Variants in KDM6B observed in about 807,000 individuals in gnomAD.
KDM6B encodes the protein lysine-specific demethylase 6B.
KDM6B carries 22 observed loss-of-function variants against 150.4 expected under a neutral mutation model. That is an observed-to-expected ratio of 0.15 (90% CI 0.10 to 0.21). The LOEUF (loss-of-function observed/expected upper bound fraction) is 0.21, where lower values mean the gene tolerates loss of function less well. KDM6B is among the 10% of genes least tolerant of loss of function. The pLI is 1.00. For missense variants in KDM6B, 1,984 were observed against 2,234.3 expected, an observed-to-expected ratio of 0.89 and a Z score of 2.26; for synonymous variants, 1,148 against 921.1, an observed-to-expected ratio of 1.25 and a Z score of -4.46.
intron 21 of KDM6B, 74 bp downstream of exon 21, chr17:7,852,710 C>T: frequency 6.9e-6 from 11 of 1,591,056 alleles, no homozygotes; most frequent in Non-Finnish European, 9.5e-6. Flanking sequence ...TCTGACTCCA[C>T]CCCATTTTTA....
rs779025145 is a variant in KDM6B at position 7,851,292 on chromosome 17, G to A, written c.3880-38G>A. The A allele has an allele frequency of 3.7e-6, 6 of 1,613,740 alleles. No homozygotes were observed. In the East Asian group the frequency reaches 1.1e-4, roughly 30 times the overall value. On this transcript the variant is annotated intron_variant, in intron 15 of 23. Coordinates refer to ENST00000448097, the MANE Select transcript of KDM6B (RefSeq NM_001348716.2). ...GCTGCGGTGGGAGGGCTCTCGAAAG[G>A]TCTCTGACCCAGGCCTGCCTACCCT...
chr17:7,850,605 CA>C (rs2078672603), intron 14 of KDM6B, among the ~76,000 whole-genome samples: 1 of 152,220 alleles, frequency 6.6e-6, no homozygotes, highest in Non-Finnish European at 1.5e-5. Flanking sequence ...AAGCACATTT[CA>C]GGCTTTCACT....
At chr17:7,835,564 G>A (rs919209446) in intron 1 of KDM6B, among the ~76,000 whole-genome samples, 12 of 152,102 alleles carry the variant, frequency 7.9e-5, no homozygotes, top group East Asian at 1.9e-4. Context: ...CTTGGGAGCC[G>A]GATTCCCGAA....
In KDM6B at chr17:7,846,979, G is replaced by T. The variant is rs2078560911; in HGVS notation, c.872G>T (p.Gly291Val). Residue 291 changes from glycine (G) to valine (V), a missense_variant, in exon 10 of 24, where the codon GGC becomes GTC. Transcript: ENST00000448097. Reference protein sequence around the residue: ...LWSTLHGDAWGPERKGSAPPE... With the variant: ...LWSTLHGDAWVPERKGSAPPE... ...AGTACCCTGCATGGAGATGCCTGGGGCCCAGAGCGCAAGGGTTCAGCACCC... is the reference window on the plus strand; with the variant it reads ...AGTACCCTGCATGGAGATGCCTGGGTCCCAGAGCGCAAGGGTTCAGCACCC... 1 of 1,612,888 alleles carries T rather than the reference G, an allele frequency of 6.2e-7. No individual in the cohort carries two copies. The highest frequency in any genetic ancestry group is 1.7e-5 in the Admixed American group (1 of 59,952).
rs987662315 is a variant in KDM6B at position 7,847,367 on chromosome 17, C to G, written c.1172C>G (p.Pro391Arg). 7 of 1,612,848 alleles carry G rather than the reference C, an allele frequency of 4.3e-6. No homozygotes were observed. The highest frequency in any genetic ancestry group is 1.3e-5 in the African/African-American group (1 of 74,928). ...ACVPYAPSRP[P>R]GLPGTTTSSS... ...GTGCCTTACGCCCCTTCCCGGCCCC[C>G]TGGCCTCCCCGGCACCACCACCAGC... Residue 391 changes from proline (P) to arginine (R), a missense_variant, in exon 11 of 24, where the codon CCT (proline) becomes CGT (arginine). Transcript: ENST00000448097.
rs763319089 is a variant in KDM6B at position 7,848,744 on chromosome 17, G to A, written c.2456G>A (p.Arg819Gln). The A allele has an allele frequency of 1.8e-5, 29 of 1,612,646 alleles. No homozygotes were observed. Among genetic ancestry groups the A allele is most frequent in the Non-Finnish European group, 2.3e-5 (27 of 1,179,990 alleles). The change falls in exon 12 of 24, where the codon CGG (arginine) becomes CAG (glutamine). Residue 819 changes from arginine (R) to glutamine (Q), a missense_variant. Arg to Gln is a conservative substitution (Grantham distance 43). Transcript: ENST00000448097. ...SVLEGQKYCY[R>Q]GTGAAVSTRP... is the part of the protein sequence containing the mutation. ...CTGGAGGGACAAAAGTACTGTTATC[G>A]GGGGACTGGAGCAGCTGTTTCCACC...
chr17:7,850,969 G>A (rs1216586893), intron 14 of KDM6B, 52 bp from the exon 15 acceptor site: 14 of 1,493,306 alleles, frequency 9.4e-6, no homozygotes, highest in Admixed American at 7.8e-5. Context: ...TTGGGTCCTC[G>A]GTCCCTATCC....
In KDM6B at chr17:7,847,878, C is replaced by T; in HGVS notation, c.1590C>T (p.Ala530=). The T allele has an allele frequency of 6.2e-7, 1 of 1,607,552 alleles. No homozygotes were observed. The highest frequency in any genetic ancestry group is 1.4e-5 in the African/African-American group (1 of 73,960). Residue 530 remains alanine, a synonymous_variant, in exon 12 of 24, where the codon GCC becomes GCT. Coordinates refer to ENST00000448097, the MANE Select transcript of KDM6B (RefSeq NM_001348716.2). ...PHREGFLGPP[A]SRFSVGTQDS... ...GCGAGGGCTTCTTGGGGCCTCCGGC[C>T]TCCCGCTTTTCTGTGGGCACTCAGG... is the stretch of plus-strand genomic sequence containing the variant.
chr17:7,851,820 T>C lies in KDM6B; in HGVS notation c.4165+24T>C, dbSNP rs374255317. 897 of 1,557,824 alleles carry C rather than the reference T, an allele frequency of 5.8e-4. 6 individuals carry two copies. The African/African-American group carries it at 0.011, about 19-fold the overall frequency. On this transcript the variant is annotated intron_variant, in intron 18 of 23. Coordinates refer to ENST00000448097, the MANE Select transcript of KDM6B (RefSeq NM_001348716.2). ...AGGTGCGCTCCACGCCTGTGCGCGC[T>C]GATGCTGGAAGCGCGAGAGGAGGGG...
chr17:7,840,056 A>G (rs1437665992), intron 2 of KDM6B, 32 bp downstream of exon 2: 1 of 152,612 alleles, frequency 6.6e-6, no homozygotes, highest in South Asian at 2.1e-4. Context: ...CTCTCTCCTC[A>G]GCAGTCTAAC....
rs1234489639 is a variant in KDM6B, at chr17:7,844,154, G to A, written c.-268-747G>A. ...AAATCCCCCCTCCCTTGGGGGGCGG[G>A]GGCCACGTGGGCCGTGGGGAACCGC... On this transcript the variant is annotated intron_variant, in intron 2 of 23. Coordinates refer to ENST00000448097, the MANE Select transcript of KDM6B (RefSeq NM_001348716.2). This position sits in a 1 kb window ranked among gnomAD's most constrained non-coding sequence, Gnocchi z 5.9. 1 of 152,058 alleles carries A rather than the reference G, an allele frequency of 6.6e-6. No individual in the cohort carries two copies. Among genetic ancestry groups the A allele is most frequent in the East Asian group, 1.9e-4 (1 of 5,142 alleles). 9.4% of individuals were successfully genotyped at this position (152,058 alleles called of 1,614,324 possible).
In KDM6B at chr17:7,853,548, C is replaced by A; in HGVS notation, c.*27C>A. 1 of 1,421,436 alleles carries A rather than the reference C, an allele frequency of 7.0e-7. No homozygotes were observed. The highest frequency in any genetic ancestry group is 9.2e-7 in the Non-Finnish European group (1 of 1,090,224). The allele number at this position is 1,421,436 out of a possible 1,614,324, so 88.1% of individuals were successfully genotyped here. A position where few individuals can be genotyped will look rare whatever the true frequency, so the allele number is the denominator to read the frequency against. On this transcript the variant is annotated 3_prime_UTR_variant, in exon 24 of 24. Coordinates refer to ENST00000448097, the MANE Select transcript of KDM6B (RefSeq NM_001348716.2). The stretch of plus-strand genomic sequence containing the variant: ...GCCGGACGCCCCGCCCGCCTGCCTG[C>A]CCGCGCAAGGCGCCGCGGGGCCACC...
rs746243082 is a variant in KDM6B at position 7,852,464 on chromosome 17, G to C, written c.4469-31G>C. ...GCCTAGGTGTCTGGGGGCTGTTTGA[G>C]AGTCCTGTTGTGATCGCCTTTGGCC... On this transcript the variant is annotated intron_variant, in intron 20 of 23. Transcript: ENST00000448097. 2.2e-5 allele frequency: 36 copies of C among 1,603,460 alleles called. No homozygotes were observed. The Middle Eastern group carries it at 5.5e-4, about 24-fold the overall frequency.
Position 7,852,036 on chromosome 17 carries a change from C to T in KDM6B, c.4251C>T (p.Tyr1417=), listed in dbSNP as rs972754467. ...DCEWFAVHEH[Y]WETISAFCDR... is the part of the protein sequence containing the mutation. ...AGTGGTTCGCGGTGCACGAGCACTA[C>T]TGGGAGACCATCAGCGCTTTCTGTG... The change falls in exon 19 of 24, where the codon TAC becomes TAT. Residue 1417 remains tyrosine (Y), a synonymous_variant. Transcript: ENST00000448097. 5.0e-6 allele frequency: 8 copies of T among 1,614,092 alleles called. No homozygotes were observed. The highest frequency in any genetic ancestry group is 6.8e-6 in the Non-Finnish European group (8 of 1,180,004).
Position 7,848,974 on chromosome 17 carries a change from A to AACCCCCCCCCC in KDM6B, c.2686_2687insACCCCCCCCCC (p.Thr896AsnfsTer23). 1 of 532,848 alleles carries AACCCCCCCCCC rather than the reference A, an allele frequency of 1.9e-6. No homozygotes were observed. Among genetic ancestry groups the AACCCCCCCCCC allele is most frequent in the Non-Finnish European group, 2.8e-6 (1 of 350,942 alleles). 33.0% of individuals were successfully genotyped at this position (532,848 alleles called of 1,614,324 possible). A position where few individuals can be genotyped will look rare whatever the true frequency, so the allele number is the denominator to read the frequency against. On this transcript the variant is annotated frameshift_variant, in exon 12 of 24. Coordinates refer to ENST00000448097, the MANE Select transcript of KDM6B (RefSeq NM_001348716.2). LOFTEE classifies it high-confidence loss of function. ...GCCAGTCCCGGGCCCCATGACCCCC[A>AACCCCCCCCCC]CCCAACCGCCCCCACCCCTATCTCT...
rs982629419 is a variant in KDM6B, at chr17:7,844,066, C to CG, written c.-268-835_-268-834insG. On this transcript the variant is annotated intron_variant, in intron 2 of 23. Coordinates refer to ENST00000448097, the MANE Select transcript of KDM6B (RefSeq NM_001348716.2). The surrounding 1 kb of genome is among the most constrained non-coding windows in gnomAD (Gnocchi z 5.9). ...TCCTCCCTCCCTCAGGACCCCCCCC[C>CG]CCGCAGTACATTTACACACACCGCT... The CG allele has an allele frequency of 1.3e-5, 2 of 150,268 alleles. No individual in the cohort carries two copies. The highest frequency in any genetic ancestry group is 3.0e-5 in the Non-Finnish European group (2 of 67,226). 9.3% of individuals were successfully genotyped at this position (150,268 alleles called of 1,614,324 possible).
At chr17:7,835,656 G>T (rs1427066258) in intron 1 of KDM6B, among the ~76,000 whole-genome samples, 1 of 152,102 alleles carries the variant, frequency 6.6e-6, no homozygotes, top group Non-Finnish European at 1.5e-5. Flanking sequence ...GGATGATAGC[G>T]ACAGGAAAGG....
intron 1 of KDM6B, among the ~76,000 whole-genome samples, chr17:7,835,804 G>A (rs2078324778): frequency 6.8e-6 from 1 of 146,000 alleles, no homozygotes; most frequent in Non-Finnish European, 1.5e-5. Context: ...GCGGCGAGCC[G>A]GGCGCCCCCC....
At chr17:7,852,908 C>G (rs1597860027) in intron 21 of KDM6B, 92 bp from the exon 22 acceptor site, 1 of 1,562,378 alleles carries the variant, frequency 6.4e-7, no homozygotes, top group South Asian at 1.1e-5. Flanking sequence ...TAGGGGAGGG[C>G]CCTGGGGCTG....
Sources: gnomAD v4.1 joint callset for allele counts (sites outside exome capture counted in the v4.1 genomes callset) on GRCh38, gnomAD v4.1.1 for gene constraint, Gnocchi (gnomAD v3.1) non-coding constraint, MANE v1.5 for transcripts, NCBI Gene and HGNC (gene_info 2026-07-23, HGNC 2026-07-21) for gene names.